HMCN1: variants seen among roughly 807,000 people sequenced by gnomAD.
The protein encoded by HMCN1 is hemicentin 1.
Under a neutral mutation model 625.9 loss-of-function variants are expected in HMCN1, and 321 were observed. That is an observed-to-expected ratio of 0.51 (90% confidence interval 0.47 to 0.56). HMCN1 has a LOEUF of 0.56. Among genes scored for constraint, HMCN1 ranks in the 20% least tolerant of loss-of-function variants. HMCN1 has a pLI of 0.00. For missense variants in HMCN1, 6,588 were observed against 6,887.3 expected (o/e 0.96, Z 1.54); for synonymous variants, 2,425 against 2,417.6 (o/e 1.00, Z -0.09).
chr1:186,156,260 G>A (rs1172426270), intron 97 of HMCN1, among the ~76,000 whole-genome samples: 1 of 151,828 alleles, frequency 6.6e-6, no homozygotes, highest in Non-Finnish European at 1.5e-5. Flanking sequence ...GAAATGAGAA[G>A]GTAAAATATG....
In HMCN1 at chr1:186,094,281, T is replaced by C; in HGVS notation, c.10202T>C (p.Val3401Ala). The change falls in exon 67 of 107, where the codon GTG (valine) becomes GCG (alanine). Residue 3401 changes from valine to alanine, a missense_variant. Val to Ala is a moderately conservative substitution (Grantham distance 64). Around this residue, in one of 3 missense-constraint regions of HMCN1, gnomAD observed 4,628 missense variants for 4,853.1 expected, o/e 0.95. Coordinates refer to ENST00000271588, the MANE Select transcript of HMCN1 (RefSeq NM_031935.3). ...TGGATCAAATTGTTTCTCAGGATTG[T>C]GAGAGCTCAGGTGTCTGATGTCGCT... Reference protein sequence around the residue: ...LLAAGQVIRIVRAQVSDVAVY... With the variant: ...LLAAGQVIRIARAQVSDVAVY... 1 of 1,612,008 alleles carries C rather than the reference T, an allele frequency of 6.2e-7. No homozygotes were observed.
At position 185,933,679 on chromosome 1, in the gene HMCN1, A is replaced by C. The variant is rs1278087925; in HGVS notation, c.1683A>C (p.Arg561Ser). The change falls in exon 11 of 107, where the codon AGA (arginine) becomes AGC (serine). Residue 561 changes from arginine (R) to serine (S), a missense_variant. Arg to Ser is a moderately radical substitution (Grantham distance 110, BLOSUM62 -1). Around this residue, in one of 3 missense-constraint regions of HMCN1, gnomAD observed 4,628 missense variants for 4,853.1 expected, o/e 0.95. Coordinates refer to ENST00000271588, the MANE Select transcript of HMCN1 (RefSeq NM_031935.3). The stretch of plus-strand genomic sequence containing the variant: ...GGCAGAGGAATGACAGAGATGTCAG[A>C]CTGGCAGAGCCAGCGAGAATTAGGA... ...LTWQRNDRDV[R>S]LAEPARIRTL... The C allele has an allele frequency of 1.9e-6, 3 of 1,613,968 alleles. No individual in the cohort carries two copies. In the African/African-American group the frequency reaches 4.0e-5, roughly 22 times the overall value.
intron 68 of HMCN1, among the ~76,000 whole-genome samples, chr1:186,097,285 C>T (rs951929942): frequency 6.6e-6 from 1 of 152,084 alleles, no homozygotes; most frequent in Non-Finnish European, 1.5e-5. Flanking sequence ...CATTTACTGT[C>T]AGCCCTGCAT....
rs766831395 is a variant in HMCN1, at chr1:185,962,500, G to A, written c.1829-18G>A. On this transcript the variant is annotated intron_variant, in intron 11 of 106. Coordinates refer to ENST00000271588, the MANE Select transcript of HMCN1 (RefSeq NM_031935.3). Reference sequence around the variant, plus strand: ...GATAAATTGGCATTTTTCTACATACGTATATTTTTATTTGCAGAACCACCC... The same window carrying A: ...GATAAATTGGCATTTTTCTACATACATATATTTTTATTTGCAGAACCACCC... 40 of 1,609,656 alleles carry A rather than the reference G, an allele frequency of 2.5e-5. No homozygotes were observed. The highest frequency in any genetic ancestry group is 6.7e-5 in the Admixed American group (4 of 59,956).
At chr1:185,748,171 T>C (rs1168103232) in intron 1 of HMCN1, among the ~76,000 whole-genome samples, 1 of 152,062 alleles carries the variant, frequency 6.6e-6, no homozygotes, top group African/African-American at 2.4e-5. Flanking sequence ...AAGTGAAATC[T>C]GTTATGCTTT....
intron 42 of HMCN1, among the ~76,000 whole-genome samples, chr1:186,049,920 G>A (rs1309161068): frequency 6.6e-6 from 1 of 151,742 alleles, no homozygotes; most frequent in African/African-American, 2.4e-5. Flanking sequence ...CTATTAAATA[G>A]TAAAAGTTAC....
At chr1:185,914,006 C>T (rs1303700400) in intron 6 of HMCN1, among the ~76,000 whole-genome samples, 1 of 152,088 alleles carries the variant, frequency 6.6e-6, no homozygotes, top group East Asian at 1.9e-4. Context: ...GACACAGTAT[C>T]TATTATTATT....
At chr1:185,793,800 G>T (rs1024838490) in intron 1 of HMCN1, among the ~76,000 whole-genome samples, 55 of 152,072 alleles carry the variant, frequency 3.6e-4, no homozygotes, top group Non-Finnish European at 1.3e-4. Flanking sequence ...GGGAGATTCT[G>T]ATATACTTCC....
chr1:185,933,550 G>C lies in HMCN1; in HGVS notation c.1554G>C (p.Glu518Asp). 2 of 1,613,822 alleles carry C rather than the reference G, an allele frequency of 1.2e-6. No homozygotes were observed. Among genetic ancestry groups the C allele is most frequent in the Non-Finnish European group, 1.7e-6 (2 of 1,179,862 alleles). The change falls in exon 11 of 107, where the codon GAG becomes GAC. Residue 518 changes from glutamate (E) to aspartate (D), a missense_variant and splice_region_variant. Physicochemically the swap from Glu to Asp is conservative, Grantham distance 45 (BLOSUM62 2). Coordinates refer to ENST00000271588, the MANE Select transcript of HMCN1 (RefSeq NM_031935.3). Reference protein sequence around the residue: ...GRAQTFFDVSEPPPVIQVPNN... With the variant: ...GRAQTFFDVSDPPPVIQVPNN... ...TTTGAATTTTTTGATTTCACACAGA[G>C]CCCCCTCCGGTCATCCAAGTGCCTA... is the stretch of plus-strand genomic sequence containing the variant.
At chr1:185,746,245 T>C (rs1316828773) in intron 1 of HMCN1, among the ~76,000 whole-genome samples, 2 of 152,186 alleles carry the variant, frequency 1.3e-5, no homozygotes, top group Non-Finnish European at 2.9e-5. Flanking sequence ...GATGTTTGGT[T>C]TGGAAGTCTG....
chr1:185,758,110 C>T (rs996291362), intron 1 of HMCN1, among the ~76,000 whole-genome samples: 10 of 152,180 alleles, frequency 6.6e-5, no homozygotes, highest in Admixed American at 2.0e-4. Flanking sequence ...TCTTGGCAAT[C>T]GTGTCATTTG....
At chr1:185,949,067 C>T (rs200512965) in intron 11 of HMCN1, among the ~76,000 whole-genome samples, 6 of 151,878 alleles carry the variant, frequency 4.0e-5, no homozygotes, top group Non-Finnish European at 2.9e-5. Flanking sequence ...TGGGATGACA[C>T]AGGATATCTG....
At chr1:185,832,220 C>A (rs1028342870) in intron 1 of HMCN1, among the ~76,000 whole-genome samples, 3 of 151,340 alleles carry the variant, frequency 2.0e-5, no homozygotes, top group African/African-American at 7.3e-5. Context: ...CGCTTGAACC[C>A]GGGAGGCAGA....
intron 4 of HMCN1, among the ~76,000 whole-genome samples, chr1:185,888,683 C>T (rs1664837084): frequency 3.4e-5 from 5 of 147,378 alleles, no homozygotes; most frequent in South Asian, 2.1e-4. Flanking sequence ...TGTTTTGGTA[C>T]CAGTACCATG....
intron 6 of HMCN1, among the ~76,000 whole-genome samples, chr1:185,919,256 A>C (rs1346367397): frequency 1.3e-5 from 2 of 151,988 alleles, no homozygotes; most frequent in African/African-American, 2.4e-5. Flanking sequence ...GTTCTCCTCT[A>C]ACCCCATCAG....
At position 186,008,964 on chromosome 1, in the gene HMCN1, C is replaced by A. The variant is rs190952645; in HGVS notation, c.4630+1682C>A. Among the ~76,000 whole-genome samples, 497 of 152,096 alleles carry A rather than the reference C, an allele frequency of 3.3e-3. 4 individuals carry two copies. The highest frequency in any genetic ancestry group is 0.011 in the African/African-American group (460 of 41,502). On this transcript the variant is annotated intron_variant, in intron 30 of 106. Transcript: ENST00000271588. ...TTATATTTAATACAGGCTTTTAAAT[C>A]ATTTATATCTATAAATAAAAGCCTT...
At chr1:186,018,470 TA>T in intron 34 of HMCN1, 118 bp downstream of exon 34, 1 of 1,084,962 alleles carries the variant, frequency 9.2e-7, no homozygotes, top group Non-Finnish European at 1.4e-6. Flanking sequence ...GAAGGTAGTG[TA>T]AAGGATGTGA....
chr1:185,737,569 T>G (rs1388993064), intron 1 of HMCN1, among the ~76,000 whole-genome samples: 1 of 152,216 alleles, frequency 6.6e-6, no homozygotes, highest in African/African-American at 2.4e-5. Context: ...GAATATCTCT[T>G]AAGGTCTCTT....
In HMCN1 at chr1:185,925,041, T is replaced by C. The variant is rs1667207681; in HGVS notation, c.1286-6T>C. The C allele has an allele frequency of 1.2e-6, 2 of 1,602,242 alleles. No individual in the cohort carries two copies. Among genetic ancestry groups the C allele is most frequent in the Non-Finnish European group, 1.7e-6 (2 of 1,173,124 alleles). On this transcript the variant is annotated splice_polypyrimidine_tract_variant and splice_region_variant and intron_variant, in intron 8 of 106. Coordinates refer to ENST00000271588, the MANE Select transcript of HMCN1 (RefSeq NM_031935.3). ...TTTTTGTTTTTGTTTTTGTTTTTTT[T>C]CCTAGATGCTCCCAAAGTTACGATG...
Sources: allele counts gnomAD v4.1 joint callset (sites outside exome capture counted in the v4.1 genomes callset), GRCh38; gene constraint gnomAD v4.1.1; regional missense constraint gnomAD v4.1.1; transcripts MANE v1.5; gene names NCBI Gene and HGNC (gene_info 2026-07-23, HGNC 2026-07-21).